The following ABCA10 variants were observed in gnomAD, a reference collection of about 807,000 sequenced individuals.
The protein encoded by ABCA10 is ATP-binding cassette sub-family A member 10.
ABCA10 carries 169 observed loss-of-function variants against 187.5 expected under a neutral mutation model. The observed-to-expected ratio is 0.90, with a 90% CI of 0.80 to 1.02. The LOEUF is 1.02. Ranked by LOEUF, ABCA10 falls within the 50% of genes least tolerant of loss-of-function variation. ABCA10 has a pLI of 0.00. For missense variants in ABCA10, 1,727 were observed against 1,812.4 expected (o/e 0.95, Z 0.86); for synonymous variants, 574 against 601.8 (o/e 0.95, Z 0.68).
At chr17:69,149,915 A>G in intron 37 of ABCA10, 69 bp downstream of exon 37, 1 of 1,181,204 alleles carries the variant, frequency 8.5e-7, no homozygotes, top group Non-Finnish European at 1.2e-6. Context: ...TTCAAATTAC[A>G]TAGTCTATAT....
At chr17:69,201,808 A>C (rs2074548274) in intron 9 of ABCA10, 140 bp from the exon 10 acceptor site, 1 of 720,290 alleles carries the variant, frequency 1.4e-6, no homozygotes, top group South Asian at 2.9e-5. Context: ...TTTTTTTGAG[A>C]CAGTCACGCT....
At chr17:69,195,375 T>C (rs1323439982) in intron 11 of ABCA10, among the ~76,000 whole-genome samples, 1 of 151,738 alleles carries the variant, frequency 6.6e-6, no homozygotes, top group Non-Finnish European at 1.5e-5. Flanking sequence ...ATATTTTATA[T>C]ATAAATGTAT....
chr17:69,194,496 C>T lies in ABCA10; in HGVS notation c.1235-1G>A, dbSNP rs779998779. On this transcript the variant is annotated splice_acceptor_variant, in intron 11 of 38. Transcript: ENST00000690296. LOFTEE classifies it high-confidence loss of function. ...CCTTCATATATGTCAAAAAATATGC[C>T]TGTTTTAGAATAAAAAGTGGAAATT... 1.3e-6 allele frequency: 2 copies of T among 1,592,974 alleles called. No individual in the cohort carries two copies. Among genetic ancestry groups the T allele is most frequent in the African/African-American group, 2.7e-5 (2 of 74,206 alleles).
At chr17:69,188,431 T>G (rs142125328) in intron 18 of ABCA10, among the ~76,000 whole-genome samples, 60 of 151,788 alleles carry the variant, frequency 4.0e-4, no homozygotes, top group African/African-American at 1.4e-3. Flanking sequence ...AGCTTGATGT[T>G]ATTATGGGAA....
chr17:69,174,484 A>T, intron 24 of ABCA10, 90 bp from the exon 25 acceptor site: 1 of 1,445,074 alleles, frequency 6.9e-7, no homozygotes, highest in Non-Finnish European at 9.4e-7. Flanking sequence ...AAAGCTGCCT[A>T]AGGCAATTTT....
intron 20 of ABCA10, among the ~76,000 whole-genome samples, chr17:69,184,328 T>C (rs1382674315): frequency 6.6e-6 from 1 of 152,026 alleles, no homozygotes; most frequent in African/African-American, 2.4e-5. Context: ...CCTGAATACT[T>C]ATCCAGGCGA....
chr17:69,239,467 A>AT (rs2074891231), intron 1 of ABCA10, among the ~76,000 whole-genome samples: 1 of 152,032 alleles, frequency 6.6e-6, no homozygotes, highest in South Asian at 2.1e-4. Flanking sequence ...CAAAAAGTAG[A>AT]TTTTTCTGGT....
rs186124396 is a variant in ABCA10 at position 69,199,889 on chromosome 17, G to A, written c.1175+1611C>T. ...AATTTCTATAAGAATTAATACCAAAGAAAGTGATAAACTATAGCTACAGAA... is the reference window on the plus strand; with the variant it reads ...AATTTCTATAAGAATTAATACCAAAAAAAGTGATAAACTATAGCTACAGAA... On this transcript the variant is annotated intron_variant, in intron 10 of 38. Transcript: ENST00000690296. Among the ~76,000 whole-genome samples the A allele has an allele frequency of 2.0e-5, 3 of 152,282 alleles. No individual in the cohort carries two copies. The East Asian group carries it at 5.8e-4, about 29-fold the overall frequency.
rs145484141 is a variant in ABCA10, at chr17:69,157,222, T to C, written c.3364-299A>G. 6.6e-5 allele frequency among the ~76,000 whole-genome samples: 10 copies of C among 152,232 alleles called. No homozygotes were observed. In the South Asian group the frequency reaches 1.9e-3, roughly 28 times the overall value. On this transcript the variant is annotated intron_variant, in intron 27 of 38. Transcript: ENST00000690296. ...GCTTTTAAAGCCAAATCTAAATGAA[T>C]ACAGGAGATAGGTTTAGCCCCAAAG... is the stretch of plus-strand genomic sequence containing the variant.
intron 22 of ABCA10, chr17:69,178,948 A>G (rs996151111): frequency 2.6e-5 from 4 of 152,120 alleles, no homozygotes; most frequent in Non-Finnish European, 5.9e-5. Context: ...AGACAATTTA[A>G]TATCCAAATT....
chr17:69,188,876 A>G (rs1229516492), intron 18 of ABCA10, among the ~76,000 whole-genome samples: 2 of 151,878 alleles, frequency 1.3e-5, no homozygotes, highest in Non-Finnish European at 2.9e-5. Context: ...CTCATTCTTT[A>G]TGGTTGCGTG....
intron 1 of ABCA10, among the ~76,000 whole-genome samples, chr17:69,238,519 G>A (rs943140673): frequency 1.3e-5 from 2 of 152,080 alleles, no homozygotes; most frequent in Non-Finnish European, 2.9e-5. Flanking sequence ...CTAGCTCTAG[G>A]CTAGGATTTT....
At position 69,185,543 on chromosome 17, in the gene ABCA10, A is replaced by G; in HGVS notation, c.2431T>C (p.Tyr811His). 6.2e-7 allele frequency: 1 copy of G among 1,613,658 alleles called. No homozygotes were observed. Among genetic ancestry groups the G allele is most frequent in the Non-Finnish European group, 8.5e-7 (1 of 1,179,720 alleles). ...GGGATTTGTTCCAGAGAAAGGAAAT[A>G]CATACTGGGTGAAAACTCCCAACAA... ...THCWEFSPSMYFLSLEQIPKT... is the reference protein window; with the variant it reads ...THCWEFSPSMHFLSLEQIPKT... The change falls in exon 20 of 39, where the codon TAT becomes CAT. Residue 811 changes from tyrosine (Y) to histidine (H), a missense_variant. Coordinates refer to ENST00000690296, the MANE Select transcript of ABCA10 (RefSeq NM_001377321.1).
At chr17:69,162,810 T>TATACATATACATATACAC (rs2074226587) in intron 27 of ABCA10, among the ~76,000 whole-genome samples, 1 of 59,964 alleles carries the variant, frequency 1.7e-5, no homozygotes, top group African/African-American at 1.0e-4. Context: ...AAATTACATA[T>TATACATATACATATACAC]ATACATATAC....
At chr17:69,197,616 C>T (rs1459925272) in intron 10 of ABCA10, among the ~76,000 whole-genome samples, 3 of 152,178 alleles carry the variant, frequency 2.0e-5, no homozygotes, top group Admixed American at 2.0e-4. Context: ...CACCAATGAC[C>T]ATTCTAGTTA....
At chr17:69,219,336 A>C (rs2074728429) in intron 6 of ABCA10, among the ~76,000 whole-genome samples, 1 of 152,136 alleles carries the variant, frequency 6.6e-6, no homozygotes, top group African/African-American at 2.4e-5. Flanking sequence ...GGCAATATGT[A>C]ATGATCACAT....
At chr17:69,195,558 T>TTTTTTC (rs1555661355) in intron 11 of ABCA10, among the ~76,000 whole-genome samples, 2 of 143,058 alleles carry the variant, frequency 1.4e-5, no homozygotes, top group African/African-American at 2.6e-5. Flanking sequence ...GTTTTTCTTT[T>TTTTTTC]TTTTTTTTTT....
At chr17:69,222,337 C>CA (rs34320016) in intron 4 of ABCA10, among the ~76,000 whole-genome samples, 196 bp downstream of exon 4, 2,247 of 135,622 alleles carry the variant, frequency 0.017, 58 homozygotes, top group African/African-American at 0.056. Context: ...GACTCCATCT[C>CA]AAAAAAAAAA....
At chr17:69,220,046 TAG>T (rs1475954371) in intron 5 of ABCA10, among the ~76,000 whole-genome samples, 1 of 152,190 alleles carries the variant, frequency 6.6e-6, no homozygotes, top group Non-Finnish European at 1.5e-5. Flanking sequence ...TTCATTCTCA[TAG>T]AGATTTACAT....
Sources: gnomAD v4.1 joint callset for allele counts (sites outside exome capture counted in the v4.1 genomes callset) on GRCh38, gnomAD v4.1.1 for gene constraint, MANE v1.5 for transcripts, NCBI Gene and HGNC (gene_info 2026-07-23, HGNC 2026-07-21) for gene names.